TMTC3: variants seen among roughly 807,000 people sequenced by gnomAD.
The protein encoded by TMTC3 is protein O-mannosyl-transferase TMTC3.
Under a neutral mutation model 92.2 loss-of-function variants are expected in TMTC3, and 52 were observed. The observed-to-expected ratio is 0.56, with a 90% confidence interval of 0.45 to 0.71. TMTC3 has a LOEUF of 0.71. Among genes scored for constraint, TMTC3 ranks in the 30% least tolerant of loss-of-function variants. TMTC3 has a pLI of 0.00. For synonymous variants in TMTC3, 339 were observed against 363.3 expected (o/e 0.93, Z 0.76); for missense variants, 896 against 1,057.1 (o/e 0.85, Z 2.11).
At chr12:88,172,104 A>G (rs934478276) in intron 7 of TMTC3, among the ~76,000 whole-genome samples, 7 of 152,122 alleles carry the variant, frequency 4.6e-5, no homozygotes, top group East Asian at 1.9e-4. Context: ...TACTTCCACT[A>G]TTTAACTGGA....
chr12:88,151,505 C>T (rs542091451), intron 2 of TMTC3, among the ~76,000 whole-genome samples: 1 of 152,114 alleles, frequency 6.6e-6, no homozygotes, highest in South Asian at 2.1e-4. Context: ...ACAAAGTAAA[C>T]TTAGTATCTA....
At chr12:88,156,025 G>T (rs898061828) in intron 4 of TMTC3, among the ~76,000 whole-genome samples, 1 of 152,090 alleles carries the variant, frequency 6.6e-6, no homozygotes, top group Non-Finnish European at 1.5e-5. Context: ...CAGGAGAATC[G>T]CTTGAACCTG....
In TMTC3 at chr12:88,160,690, A is replaced by G; in HGVS notation, c.636A>G (p.Pro212=). 6.2e-7 allele frequency: 1 copy of G among 1,612,336 alleles called. No homozygotes were observed. The highest frequency in any genetic ancestry group is 8.5e-7 in the Non-Finnish European group (1 of 1,179,472). The change falls in exon 6 of 14, where the codon CCA becomes CCG. Residue 212 remains proline (P), a synonymous_variant. Transcript: ENST00000266712. ...CTTTTCTTTTTCAGTATACTTTGCCATTACTATGTACTACTGCTGGACAGT... is the reference window on the plus strand; with the variant it reads ...CTTTTCTTTTTCAGTATACTTTGCCGTTACTATGTACTACTGCTGGACAGT... ...EVFIAQGYTL[P]LLCTTAGQFL... is the part of the protein sequence containing the mutation.
chr12:88,166,284 A>G, intron 6 of TMTC3, 46 bp from the exon 7 acceptor site: 1 of 1,544,468 alleles, frequency 6.5e-7, no homozygotes, highest in Admixed American at 2.0e-5. Flanking sequence ...ATAATTCTGT[A>G]CTTTAAAAGT....
rs2041231561 is a variant in TMTC3 at position 88,173,933 on chromosome 12, C to T, written c.1200-674C>T. On this transcript the variant is annotated intron_variant, in intron 8 of 13. Transcript: ENST00000266712. ...ATGACCATGTTCTTTCACATCCATA[C>T]TTGTGTGTTCTAGTTAAGTGGATCT... Among the ~76,000 whole-genome samples the T allele has an allele frequency of 2.0e-5, 3 of 152,084 alleles. No individual in the cohort carries two copies. The South Asian group carries it at 6.2e-4, about 31-fold the overall frequency.
chr12:88,198,471 A>G lies in TMTC3; in HGVS notation c.*2822A>G. 2.5e-6 allele frequency: 1 copy of G among 398,000 alleles called. No homozygotes were observed. The highest frequency in any genetic ancestry group is 4.4e-6 in the Non-Finnish European group (1 of 225,552). 24.7% of individuals were successfully genotyped at this position (398,000 alleles called of 1,614,324 possible). ...CCTTCACTGCTTCTTAGAAGGTAGA[A>G]TTAAGTTTCTGGAATTGCACCTACA... On this transcript the variant is annotated 3_prime_UTR_variant, in exon 14 of 14. Coordinates refer to ENST00000266712, the MANE Select transcript of TMTC3 (RefSeq NM_181783.4).
Position 88,198,399 on chromosome 12 carries a change from G to A in TMTC3, c.*2750G>A. 2.5e-6 allele frequency: 1 copy of A among 398,102 alleles called. No homozygotes were observed. Among genetic ancestry groups the A allele is most frequent in the Non-Finnish European group, 4.4e-6 (1 of 225,682 alleles). The allele number at this position is 398,102 out of a possible 1,614,324, so 24.7% of individuals were successfully genotyped here. On this transcript the variant is annotated 3_prime_UTR_variant, in exon 14 of 14. Transcript: ENST00000266712. ...TCAAAAGAGAATCAGCTCTCCAGCA[G>A]TTCTAGAAAAGCTTTGACAATCCCC...
At chr12:88,158,420 G>T (rs180804841) in intron 4 of TMTC3, among the ~76,000 whole-genome samples, 2 of 151,392 alleles carry the variant, frequency 1.3e-5, no homozygotes, top group Admixed American at 1.3e-4. Context: ...AGTTCTTGTT[G>T]AATTTAGCAT....
At chr12:88,160,462 G>A (rs1174228490) in intron 5 of TMTC3, among the ~76,000 whole-genome samples, 1 of 151,906 alleles carries the variant, frequency 6.6e-6, no homozygotes, top group Non-Finnish European at 1.5e-5. Flanking sequence ...GGAATCATTA[G>A]GCAGCTTGGA....
chr12:88,166,455 C>A lies in TMTC3; in HGVS notation c.923C>A (p.Thr308Lys). The change falls in exon 7 of 14, where the codon ACA becomes AAA. Residue 308 changes from threonine to lysine, a missense_variant. By Grantham distance (78) the Thr-to-Lys change is moderately conservative (BLOSUM62 -1). Coordinates refer to ENST00000266712, the MANE Select transcript of TMTC3 (RefSeq NM_181783.4). ...SELCCDWTMG[T>K]IPLIESLLDI... is the part of the protein sequence containing the mutation. ...CTCTGCTGTGATTGGACCATGGGAA[C>A]AATACCACTTATAGAGTCATTACTA... 3 of 1,613,906 alleles carry A rather than the reference C, an allele frequency of 1.9e-6. No individual in the cohort carries two copies. The highest frequency in any genetic ancestry group is 2.5e-6 in the Non-Finnish European group (3 of 1,179,948).
chr12:88,190,122 G>A (rs1030135839), intron 11 of TMTC3, among the ~76,000 whole-genome samples: 3 of 151,978 alleles, frequency 2.0e-5, no homozygotes, highest in Non-Finnish European at 2.9e-5. Flanking sequence ...ACACAAAAAT[G>A]TGAATAAAAA....
intron 10 of TMTC3, among the ~76,000 whole-genome samples, chr12:88,186,357 C>G (rs1044030093): frequency 6.6e-6 from 1 of 152,122 alleles, no homozygotes; most frequent in Non-Finnish European, 1.5e-5. Flanking sequence ...GGTAAGTTCC[C>G]TTCTAAACAA....
At chr12:88,177,011 A>AT (rs2041266841) in intron 10 of TMTC3, among the ~76,000 whole-genome samples, 1 of 152,082 alleles carries the variant, frequency 6.6e-6, no homozygotes, top group African/African-American at 2.4e-5. Context: ...GGATGGTAAG[A>AT]TAAGAGGGTT....
chr12:88,144,734 AC>A (rs1429870227), intron 1 of TMTC3, among the ~76,000 whole-genome samples: 1 of 152,232 alleles, frequency 6.6e-6, no homozygotes, highest in Non-Finnish European at 1.5e-5. Flanking sequence ...CACTGGGGAT[AC>A]AGCAGTGAAC....
chr12:88,166,604 C>A (rs754571307), intron 7 of TMTC3, 22 bp downstream of exon 7: 1 of 1,595,864 alleles, frequency 6.3e-7, no homozygotes, highest in South Asian at 1.1e-5. Context: ...TTCTTAACTT[C>A]CAAATGATGT....
intron 1 of TMTC3, among the ~76,000 whole-genome samples, chr12:88,145,156 A>G (rs1158917739): frequency 6.6e-6 from 1 of 152,186 alleles, no homozygotes; most frequent in Non-Finnish European, 1.5e-5. Flanking sequence ...AAGTCATAGT[A>G]GCTTACTTCT....
chr12:88,165,075 G>C (rs1275605807), intron 6 of TMTC3, among the ~76,000 whole-genome samples: 1 of 151,934 alleles, frequency 6.6e-6, no homozygotes, highest in African/African-American at 2.4e-5. Context: ...CCTATCTACA[G>C]TCTAAAAATA....
chr12:88,176,363 A>G (rs2041259909), intron 10 of TMTC3, 44 bp downstream of exon 10: 1 of 1,432,452 alleles, frequency 7.0e-7, no homozygotes, highest in Non-Finnish European at 9.6e-7. Flanking sequence ...TATTTTTTAA[A>G]AAGTTTTGAT....
rs1423256026 is a variant in TMTC3 at position 88,199,059 on chromosome 12, A to AT, written c.*3410_*3411insT. 2 of 144,932 alleles carry AT rather than the reference A, an allele frequency of 1.4e-5. No homozygotes were observed. The highest frequency in any genetic ancestry group is 3.0e-5 in the Non-Finnish European group (2 of 66,006). 9.0% of individuals were successfully genotyped at this position (144,932 alleles called of 1,614,324 possible). On this transcript the variant is annotated 3_prime_UTR_variant, in exon 14 of 14. Coordinates refer to ENST00000266712, the MANE Select transcript of TMTC3 (RefSeq NM_181783.4). ...CTGGCTTGCCTTTTAGTGTTAAAAAAATACAACATTGTATATAGAGATTTC... is the reference window on the plus strand; with the variant it reads ...CTGGCTTGCCTTTTAGTGTTAAAAAATATACAACATTGTATATAGAGATTTC...
Sources: gnomAD v4.1 joint callset for allele counts (sites outside exome capture counted in the v4.1 genomes callset) on GRCh38, gnomAD v4.1.1 for gene constraint, MANE v1.5 for transcripts, NCBI Gene and HGNC (gene_info 2026-07-23, HGNC 2026-07-21) for gene names.